The following CPNE8 variants were observed in gnomAD, a reference collection of about 807,000 sequenced individuals.
The protein encoded by CPNE8 is copine 8.
A neutral mutation model predicts 81.5 loss-of-function variants in CPNE8; 45 were observed. The ratio of observed to expected loss-of-function variants is 0.55; its 90% CI spans 0.44 to 0.71. The LOEUF is 0.71. Ranked by LOEUF, CPNE8 falls within the 30% of genes least tolerant of loss-of-function variation. CPNE8 has a pLI of 0.00. For missense variants in CPNE8, 594 were observed against 672.1 expected (o/e 0.88, Z 1.28); for synonymous variants, 252 against 226.3 (o/e 1.11, Z -1.02).
chr12:38,828,683 T>C (rs538585094), intron 6 of CPNE8, among the ~76,000 whole-genome samples: 19 of 152,192 alleles, frequency 1.2e-4, no homozygotes, highest in Non-Finnish European at 2.6e-4. Flanking sequence ...TGGTTAACTC[T>C]GCAAATGTAC....
chr12:38,814,767 A>G (rs1313377786), intron 6 of CPNE8, among the ~76,000 whole-genome samples: 2 of 152,094 alleles, frequency 1.3e-5, no homozygotes, highest in African/African-American at 4.8e-5. Context: ...TTCATATTCT[A>G]TACTAGATTG....
intron 1 of CPNE8, among the ~76,000 whole-genome samples, chr12:38,894,951 T>C (rs1944369485): frequency 6.6e-6 from 1 of 152,040 alleles, no homozygotes; most frequent in South Asian, 2.1e-4. Context: ...CTCAAAATGA[T>C]TATAAAACCA....
intron 6 of CPNE8, among the ~76,000 whole-genome samples, chr12:38,781,025 T>G (rs977076753): frequency 1.3e-5 from 2 of 151,998 alleles, no homozygotes; most frequent in Non-Finnish European, 2.9e-5. Flanking sequence ...ATCAGCAAGG[T>G]GATAATTTAA....
intron 8 of CPNE8, among the ~76,000 whole-genome samples, chr12:38,766,240 T>A (rs1032984198): frequency 3.3e-5 from 5 of 152,210 alleles, no homozygotes; most frequent in African/African-American, 1.2e-4. Flanking sequence ...AGTGAAATTT[T>A]ACAATTGTAC....
At chr12:38,674,028 G>A (rs572809844) in intron 18 of CPNE8, among the ~76,000 whole-genome samples, 22 of 151,944 alleles carry the variant, frequency 1.4e-4, no homozygotes, top group Non-Finnish European at 3.1e-4. Context: ...AGAGTGATCC[G>A]AATGATTCTT....
At chr12:38,717,779 C>G (rs1940442990) in intron 13 of CPNE8, among the ~76,000 whole-genome samples, 1 of 151,362 alleles carries the variant, frequency 6.6e-6, no homozygotes, top group Non-Finnish European at 1.5e-5. Context: ...ATCCATGCAA[C>G]CAAAATCCAC....
intron 1 of CPNE8, among the ~76,000 whole-genome samples, chr12:38,899,543 T>C (rs1436279152): frequency 2.0e-5 from 3 of 152,250 alleles, no homozygotes; most frequent in African/African-American, 7.2e-5. Context: ...ACAATAATTT[T>C]CTTTTATATA....
chr12:38,797,003 C>G (rs555104110), intron 6 of CPNE8, among the ~76,000 whole-genome samples: 8 of 152,072 alleles, frequency 5.3e-5, no homozygotes, highest in Admixed American at 1.3e-4. Flanking sequence ...GACGGGTGCC[C>G]GCCATTGCCC....
At chr12:38,668,838 A>G (rs1939112771) in intron 19 of CPNE8, among the ~76,000 whole-genome samples, 1 of 152,150 alleles carries the variant, frequency 6.6e-6, no homozygotes, top group African/African-American at 2.4e-5. Flanking sequence ...TCACAAGGTC[A>G]GGAGGTCGAG....
At chr12:38,671,658 C>T (rs1939178826) in intron 18 of CPNE8, among the ~76,000 whole-genome samples, 1 of 152,130 alleles carries the variant, frequency 6.6e-6, no homozygotes, top group East Asian at 1.9e-4. Context: ...CAGAGAGCCG[C>T]TTACAATTAT....
chr12:38,771,427 C>G (rs1184718435), intron 7 of CPNE8, among the ~76,000 whole-genome samples: 1 of 151,964 alleles, frequency 6.6e-6, no homozygotes, highest in Non-Finnish European at 1.5e-5. Flanking sequence ...AATTGTGCCA[C>G]TGCACTTCAG....
At chr12:38,763,210 G>A (rs1026061547) in intron 8 of CPNE8, among the ~76,000 whole-genome samples, 2 of 152,184 alleles carry the variant, frequency 1.3e-5, no homozygotes, top group Non-Finnish European at 2.9e-5. Context: ...AGCATCAGTG[G>A]AGGAGCTGCC....
At chr12:38,704,828 A>ATATATATGTGTGTATATG (rs1555145199) in intron 13 of CPNE8, among the ~76,000 whole-genome samples, 2 of 45,474 alleles carry the variant, frequency 4.4e-5, no homozygotes, top group Non-Finnish European at 1.2e-4. Context: ...ATGTATGTGT[A>ATATATATGTGTGTATATG]TATATATATA....
intron 13 of CPNE8, among the ~76,000 whole-genome samples, chr12:38,704,840 A>ATATATATATATGTG (rs1565575612): frequency 2.4e-5 from 3 of 123,270 alleles, no homozygotes; most frequent in South Asian, 4.9e-4. Flanking sequence ...ATATATATAT[A>ATATATATATATGTG]TATATATATA....
chr12:38,820,150 T>G (rs1029487475), intron 6 of CPNE8, among the ~76,000 whole-genome samples: 24 of 152,156 alleles, frequency 1.6e-4, no homozygotes, highest in Non-Finnish European at 3.1e-4. Context: ...CTCACTCCTG[T>G]AATCCCAGCA....
intron 14 of CPNE8, among the ~76,000 whole-genome samples, chr12:38,701,583 T>C (rs1171450373): frequency 1.3e-5 from 2 of 152,182 alleles, no homozygotes; most frequent in African/African-American, 4.8e-5. Flanking sequence ...AACCTCTACC[T>C]CTTGGGTTCA....
At chr12:38,771,340 C>T (rs1381338802) in intron 7 of CPNE8, among the ~76,000 whole-genome samples, 2 of 150,384 alleles carry the variant, frequency 1.3e-5, no homozygotes, top group Non-Finnish European at 2.9e-5. Flanking sequence ...CGGTGCCTGC[C>T]TATGTTCCCA....
Position 38,778,952 on chromosome 12 carries a change from C to T in CPNE8, c.408-2651G>A, listed in dbSNP as rs564185130. On this transcript the variant is annotated intron_variant, in intron 6 of 19. Coordinates refer to ENST00000331366, the MANE Select transcript of CPNE8 (RefSeq NM_153634.3). ...TTCCATCTTCCCTAGGTCCTTATGA[C>T]TAAGAACTCAATATAGCATGGCACA... is the stretch of plus-strand genomic sequence containing the variant. 2.6e-5 allele frequency among the ~76,000 whole-genome samples: 4 copies of T among 152,238 alleles called. No homozygotes were observed. The South Asian group carries it at 8.3e-4, about 32-fold the overall frequency.
chr12:38,686,569 G>A (rs771134954), intron 15 of CPNE8, among the ~76,000 whole-genome samples: 2 of 152,206 alleles, frequency 1.3e-5, no homozygotes, highest in Non-Finnish European at 2.9e-5. Flanking sequence ...GTGGCTTAAA[G>A]CAATGAACAT....
Sources: allele counts gnomAD v4.1 joint callset (sites outside exome capture counted in the v4.1 genomes callset), GRCh38; gene constraint gnomAD v4.1.1; transcripts MANE v1.5; gene names NCBI Gene and HGNC (gene_info 2026-07-23, HGNC 2026-07-21).